The following LRGUK variants were observed in gnomAD, a reference collection of about 807,000 sequenced individuals.
LRGUK encodes the protein leucine-rich repeat and guanylate kinase domain-containing protein.
Under a neutral mutation model 76.0 loss-of-function variants are expected in LRGUK, and 65 were observed. The observed-to-expected ratio is 0.85, with a 90% confidence interval of 0.70 to 1.05. The LOEUF (loss-of-function observed/expected upper bound fraction) is 1.05, where lower values mean the gene tolerates loss of function less well. LRGUK is among the 50% of genes least tolerant of loss of function. The pLI is 0.00. For synonymous variants in LRGUK, 268 were observed against 265.6 expected (o/e 1.01, Z -0.09); for missense variants, 758 against 732.8 (o/e 1.03, Z -0.40).
chr7:134,183,495 T>C (rs1232545039), intron 10 of LRGUK, among the ~76,000 whole-genome samples: 1 of 152,256 alleles, frequency 6.6e-6, no homozygotes, highest in Non-Finnish European at 1.5e-5. Context: ...ATTTTTCCTT[T>C]AAAAGTCATG....
At chr7:134,265,397 A>T (rs1802838083), downstream of LRGUK, among the ~76,000 whole-genome samples, 1 of 152,150 alleles carries the variant, frequency 6.6e-6, no homozygotes, top group Non-Finnish European at 1.5e-5. Flanking sequence ...TCAGAGCCTG[A>T]GTAACAACAT....
In LRGUK at chr7:134,233,474, C is replaced by T. The variant is rs1004210800; in HGVS notation, c.1983+11556C>T. Among the ~76,000 whole-genome samples the T allele has an allele frequency of 1.2e-4, 19 of 152,134 alleles. 1 individual carries two copies. ...AATATGTGTGTACAGCAGACAAGGC[C>T]AGTACAATCCTGTAAGTACTAACTG... On this transcript the variant is annotated intron_variant, in intron 16 of 19. Coordinates refer to the LRGUK transcript ENST00000285928.
chr7:134,136,893 G>T, intron 1 of LRGUK, 130 bp from the exon 2 acceptor site: 1 of 660,902 alleles, frequency 1.5e-6, no homozygotes, highest in Non-Finnish European at 2.6e-6. Flanking sequence ...TTTTTTTGGG[G>T]GTTGGTAAAT....
intron 4 of LRGUK, among the ~76,000 whole-genome samples, chr7:134,146,372 C>T (rs1797970344): frequency 6.6e-6 from 1 of 152,022 alleles, no homozygotes; most frequent in Non-Finnish European, 1.5e-5. Context: ...ACTATGGCAC[C>T]AGAATGAAAG....
intron 6 of LRGUK, among the ~76,000 whole-genome samples, chr7:134,158,777 A>C (rs16874427): frequency 0.13 from 19,600 of 152,200 alleles, 1,590 homozygotes; most frequent in East Asian, 0.32. Context: ...ACAGAAATTC[A>C]GCAGGATTCT....
intron 3 of LRGUK, among the ~76,000 whole-genome samples, chr7:134,142,691 T>C (rs1392663989): frequency 6.6e-6 from 1 of 152,248 alleles, no homozygotes; most frequent in African/African-American, 2.4e-5. Flanking sequence ...GAGGATTATC[T>C]AAGGCTTTTG....
At chr7:134,198,790 T>C (rs1800625783) in intron 13 of LRGUK, among the ~76,000 whole-genome samples, 1 of 152,130 alleles carries the variant, frequency 6.6e-6, no homozygotes, top group Non-Finnish European at 1.5e-5. Context: ...GGTCCCAAGA[T>C]GATGACAAAG....
At chr7:134,144,928 A>G (rs906819418) in intron 4 of LRGUK, among the ~76,000 whole-genome samples, 4 of 152,132 alleles carry the variant, frequency 2.6e-5, no homozygotes, top group East Asian at 1.9e-4. Context: ...TTGCTGTTCC[A>G]TTCGCCTTGT....
chr7:134,272,002 T>G, the LRGUK span, among the ~76,000 whole-genome samples: 15 of 152,116 alleles, frequency 9.9e-5, no homozygotes, highest in Non-Finnish European at 1.9e-4. Context: ...ATTTTCTTTT[T>G]CCCTTTCCTT....
intron 12 of LRGUK, among the ~76,000 whole-genome samples, chr7:134,195,381 T>C (rs941619701): frequency 1.8e-4 from 28 of 152,314 alleles, no homozygotes; most frequent in African/African-American, 6.5e-4. Flanking sequence ...GTAAACTAAG[T>C]TCCTCCCAAA....
At chr7:134,266,925 G>GA (rs1230180808), downstream of LRGUK, among the ~76,000 whole-genome samples, 1 of 151,992 alleles carries the variant, frequency 6.6e-6, no homozygotes, top group East Asian at 1.9e-4. Context: ...AATTATAGAG[G>GA]AAAAAACAAA....
intron 18 of LRGUK, among the ~76,000 whole-genome samples, chr7:134,252,660 C>CAGCACATGG (rs1802479312): frequency 1.3e-5 from 2 of 152,160 alleles, no homozygotes; most frequent in African/African-American, 4.8e-5. Context: ...AGGCAGGTGC[C>CAGCACATGG]TATGCCCAGC....
intron 17 of LRGUK, among the ~76,000 whole-genome samples, chr7:134,248,406 A>G (rs937757802): frequency 4.6e-5 from 7 of 152,244 alleles, no homozygotes; most frequent in African/African-American, 1.7e-4. Context: ...TCTGAAGAAC[A>G]GCAGGGTTTA....
rs1585509515 is a variant in LRGUK at position 134,182,741 on chromosome 7, G to C, written c.1215-993G>C. On this transcript the variant is annotated intron_variant, in intron 10 of 15. Transcript: ENST00000645682. ...AAACACATTGTTCAGTGTGTTGCAG[G>C]AGATTTTATTATTATGATGATGATG... Among the ~76,000 whole-genome samples, 5 of 149,512 alleles carry C rather than the reference G, an allele frequency of 3.3e-5. No individual in the cohort carries two copies. In the South Asian group the frequency reaches 1.1e-3, roughly 32 times the overall value.
At chr7:134,181,125 G>C (rs1799725211) in intron 10 of LRGUK, among the ~76,000 whole-genome samples, 1 of 152,168 alleles carries the variant, frequency 6.6e-6, no homozygotes, top group Non-Finnish European at 1.5e-5. Context: ...ACTACCAGTA[G>C]TTATATTGAT....
At chr7:134,138,240 A>G (rs1217718949) in intron 2 of LRGUK, among the ~76,000 whole-genome samples, 1 of 152,162 alleles carries the variant, frequency 6.6e-6, no homozygotes, top group African/African-American at 2.4e-5. Context: ...AAATTGATCT[A>G]CCCCAAAAAG....
chr7:134,149,528 G>A (rs1275193837), intron 5 of LRGUK, among the ~76,000 whole-genome samples: 5 of 152,150 alleles, frequency 3.3e-5, no homozygotes, highest in African/African-American at 1.2e-4. Flanking sequence ...ATTTATATAT[G>A]ATGGAAAGCT....
chr7:134,227,283 A>T (rs970106350), intron 16 of LRGUK, among the ~76,000 whole-genome samples: 4 of 152,292 alleles, frequency 2.6e-5, no homozygotes, highest in Non-Finnish European at 5.9e-5. Context: ...AAACTTAGCG[A>T]ACGATGCTTT....
intron 7 of LRGUK, 28 bp from the exon 8 acceptor site, chr7:134,174,528 T>C: frequency 7.4e-7 from 1 of 1,349,944 alleles, no homozygotes. Flanking sequence ...ATTTAGTCTG[T>C]TGATAATTTT....
Sources: allele counts gnomAD v4.1 joint callset (sites outside exome capture counted in the v4.1 genomes callset), GRCh38; gene constraint gnomAD v4.1.1; transcripts MANE v1.5; gene names NCBI Gene and HGNC (gene_info 2026-07-23, HGNC 2026-07-21).